The following CCDC158 variants were observed in gnomAD, a reference collection of about 807,000 sequenced individuals.
CCDC158 encodes coiled-coil domain containing 158.
CCDC158 carries 116 observed loss-of-function variants against 138.6 expected under a neutral mutation model. That is an observed-to-expected ratio of 0.84 (90% confidence interval 0.72 to 0.98). The LOEUF (loss-of-function observed/expected upper bound fraction) is 0.98. CCDC158 is among the 50% of genes least tolerant of loss of function. CCDC158 has a pLI of 0.00. For missense variants in CCDC158, 1,265 were observed against 1,306.1 expected (o/e 0.97, Z 0.48); for synonymous variants, 436 against 442.4 (o/e 0.99, Z 0.18).
intron 2 of CCDC158, among the ~76,000 whole-genome samples, chr4:76,408,749 G>A (rs186919560): frequency 1.3e-5 from 2 of 152,224 alleles, no homozygotes; most frequent in Admixed American, 1.3e-4. Context: ...CTAGATCTCT[G>A]AGGAATTGCC....
intron 18 of CCDC158, chr4:76,345,170 C>A: frequency 6.0e-6 from 6 of 1,002,558 alleles, no homozygotes; most frequent in Middle Eastern, 2.9e-4. Flanking sequence ...TCAAAAAGTA[C>A]CTATTGAAGG....
At chr4:76,364,560 TTAAA>T (rs1319923060) in intron 12 of CCDC158, among the ~76,000 whole-genome samples, 1 of 152,220 alleles carries the variant, frequency 6.6e-6, no homozygotes, top group African/African-American at 2.4e-5. Context: ...TGAATATGAG[TTAAA>T]TAAAATGTTA....
chr4:76,375,791 G>A, intron 9 of CCDC158: 1 of 562,386 alleles, frequency 1.8e-6, no homozygotes, highest in South Asian at 2.4e-5. Flanking sequence ...TTTTTTTGAA[G>A]TACAATTTCT....
At chr4:76,370,054 T>C (rs893899249) in intron 10 of CCDC158, among the ~76,000 whole-genome samples, 5 of 152,154 alleles carry the variant, frequency 3.3e-5, no homozygotes, top group Non-Finnish European at 5.9e-5. Context: ...GGTACTGGAA[T>C]TGGAGTAGCA....
intron 9 of CCDC158, among the ~76,000 whole-genome samples, chr4:76,372,843 C>T (rs1031910912): frequency 5.3e-5 from 8 of 151,712 alleles, no homozygotes; most frequent in African/African-American, 1.9e-4. Context: ...CTGTTAATAG[C>T]GTTTCTATAG....
rs1724765742 is a variant in CCDC158, at chr4:76,367,275, A to C, written c.1830+19T>G. 1 of 1,593,392 alleles carries C rather than the reference A, an allele frequency of 6.3e-7. No homozygotes were observed. The highest frequency in any genetic ancestry group is 1.4e-5 in the African/African-American group (1 of 73,846). On this transcript the variant is annotated intron_variant, in intron 12 of 24. Transcript: ENST00000682701. ...TAAATGATATTTCAGAAGTTAAATC[A>C]CAAAAAAACTCTACAGACCTTAAGT... is the stretch of plus-strand genomic sequence containing the variant.
intron 23 of CCDC158, among the ~76,000 whole-genome samples, 172 bp from the exon 24 acceptor site, chr4:76,323,581 A>G (rs190834560): frequency 2.0e-5 from 3 of 152,374 alleles, no homozygotes; most frequent in Admixed American, 1.3e-4. Flanking sequence ...TGATTTTAAA[A>G]GAGAGAAAAA....
chr4:76,318,407 T>A (rs1346380245), intron 24 of CCDC158, among the ~76,000 whole-genome samples: 1 of 151,840 alleles, frequency 6.6e-6, no homozygotes. Context: ...AACTAGAGAA[T>A]CTAGAGGAGA....
intron 9 of CCDC158, among the ~76,000 whole-genome samples, chr4:76,376,057 C>CTT (rs398063708): frequency 1.0e-4 from 15 of 145,828 alleles, no homozygotes; most frequent in African/African-American, 3.7e-4. Flanking sequence ...ACAAATCTCA[C>CTT]TTTTTTTTTT....
chr4:76,353,304 C>A, intron 15 of CCDC158, 23 bp from the exon 16 acceptor site: 1 of 1,567,074 alleles, frequency 6.4e-7, no homozygotes, highest in South Asian at 1.2e-5. Flanking sequence ...GAGAGAAAAA[C>A]ATCAGAAATA....
upstream of CCDC158, among the ~76,000 whole-genome samples, chr4:76,421,223 G>A (rs1317973810): frequency 2.6e-5 from 4 of 152,062 alleles, no homozygotes; most frequent in African/African-American, 4.8e-5. Context: ...CGGTTAGGAC[G>A]CTCTGCGAGG....
At chr4:76,331,219 T>C in intron 21 of CCDC158, 125 bp downstream of exon 21, 1 of 800,670 alleles carries the variant, frequency 1.2e-6, no homozygotes, top group Non-Finnish European at 2.1e-6. Flanking sequence ...CATATCTGTC[T>C]TGCTCACTAT....
chr4:76,377,018 C>T (rs1403043831), intron 9 of CCDC158, among the ~76,000 whole-genome samples: 1 of 152,184 alleles, frequency 6.6e-6, no homozygotes, highest in South Asian at 2.1e-4. Flanking sequence ...AGCTTGCAGT[C>T]ATTCATCTGG....
intron 18 of CCDC158, among the ~76,000 whole-genome samples, chr4:76,341,229 G>A (rs1722019272): frequency 6.6e-6 from 1 of 152,116 alleles, no homozygotes; most frequent in Non-Finnish European, 1.5e-5. Flanking sequence ...CATGATGTAA[G>A]ATAAGTGAGG....
intron 14 of CCDC158, among the ~76,000 whole-genome samples, chr4:76,356,209 T>G (rs1351302836): frequency 6.6e-6 from 1 of 152,176 alleles, no homozygotes; most frequent in Non-Finnish European, 1.5e-5. Context: ...ATTAACAAGA[T>G]ACAGTTCTTC....
chr4:76,331,916 G>A (rs1297997944), intron 20 of CCDC158, among the ~76,000 whole-genome samples: 1 of 151,884 alleles, frequency 6.6e-6, no homozygotes, highest in African/African-American at 2.4e-5. Flanking sequence ...TTCTTTTTTG[G>A]CTAAAGTCAA....
chr4:76,344,902 G>T, intron 18 of CCDC158: 1 of 1,547,168 alleles, frequency 6.5e-7, no homozygotes, highest in Non-Finnish European at 8.9e-7. Context: ...GTGTTAGGTG[G>T]AAAAATACTA....
In CCDC158 at chr4:76,351,765, C is replaced by T; in HGVS notation, c.2493G>A (p.Glu831=). ...GAAGTTTTAAGCGCACTGATTCTTG[C>T]TCCTGACGCTGTATTATATCTTGAC... The part of the protein sequence containing the change: ...AECQDIIQRQ[E]QESVRLKLQH... Residue 831 remains glutamate (E), a synonymous_variant, in exon 17 of 25, where the codon GAG becomes GAA. Transcript: ENST00000682701. 6.2e-7 allele frequency: 1 copy of T among 1,613,346 alleles called. No individual in the cohort carries two copies. The highest frequency in any genetic ancestry group is 8.5e-7 in the Non-Finnish European group (1 of 1,179,482).
At chr4:76,326,932 G>A (rs1720584219) in intron 22 of CCDC158, among the ~76,000 whole-genome samples, 1 of 151,798 alleles carries the variant, frequency 6.6e-6, no homozygotes. Flanking sequence ...TAAATATGTG[G>A]GTATATCTAA....
Sources: gnomAD v4.1 joint callset for allele counts (sites outside exome capture counted in the v4.1 genomes callset) on GRCh38, gnomAD v4.1.1 for gene constraint, MANE v1.5 for transcripts, NCBI Gene and HGNC (gene_info 2026-07-23, HGNC 2026-07-21) for gene names.